BBX: variants seen among roughly 807,000 people sequenced by gnomAD.
BBX encodes BBX high mobility group box domain containing.
A neutral mutation model predicts 100.2 loss-of-function variants in BBX; 30 were observed. The observed-to-expected ratio is 0.30, with a 90% CI of 0.22 to 0.41. The LOEUF (loss-of-function observed/expected upper bound fraction) is 0.41, where lower values mean the gene tolerates loss of function less well. BBX is among the 10% of genes least tolerant of loss of function. The pLI is 1.00. For synonymous variants in BBX, 376 were observed against 388.1 expected (o/e 0.97, Z 0.37); for missense variants, 1,023 against 1,129.8 (o/e 0.91, Z 1.35).
intron 10 of BBX, among the ~76,000 whole-genome samples, chr3:107,768,250 A>G (rs1284647190): frequency 1.3e-5 from 2 of 152,096 alleles, no homozygotes; most frequent in African/African-American, 2.4e-5. Flanking sequence ...CTCATTTTCT[A>G]TTTGGTATAG....
intron 3 of BBX, among the ~76,000 whole-genome samples, chr3:107,667,505 G>A (rs998571508): frequency 2.0e-5 from 3 of 151,398 alleles, no homozygotes; most frequent in Admixed American, 1.3e-4. Flanking sequence ...AAAATAAGTT[G>A]GACCATCCTT....
rs2067098932 is a variant in BBX, at chr3:107,773,755, G to A, written c.1915+119G>A. ...GGTATCAAAATAATACCTTACATTTGTATATTTCTTTATGGTTTATAGATC... is the reference window on the plus strand; with the variant it reads ...GGTATCAAAATAATACCTTACATTTATATATTTCTTTATGGTTTATAGATC... On this transcript the variant is annotated intron_variant, in intron 11 of 17. Transcript: ENST00000325805. This position sits in a 1 kb window ranked among gnomAD's most constrained non-coding sequence, Gnocchi z 4.1. The A allele has an allele frequency of 4.5e-6, 4 of 889,272 alleles. No individual in the cohort carries two copies. The highest frequency in any genetic ancestry group is 1.7e-5 in the African/African-American group (1 of 58,548). The allele number at this position is 889,272 out of a possible 1,614,324, so 55.1% of individuals were successfully genotyped here.
intron 16 of BBX, 128 bp from the exon 17 acceptor site, chr3:107,800,967 G>C (rs558771406): frequency 1.4e-5 from 12 of 887,678 alleles, no homozygotes; most frequent in Non-Finnish European, 3.5e-6. Flanking sequence ...CTTAATATTC[G>C]ATGGATAGCA....
chr3:107,573,488 C>T (rs780032013), intron 2 of BBX, among the ~76,000 whole-genome samples: 2 of 151,932 alleles, frequency 1.3e-5, no homozygotes, highest in East Asian at 1.9e-4. Context: ...CCAGGAGGCC[C>T]GGAGGTTGCA....
rs374236627 is a variant in BBX at position 107,779,016 on chromosome 3, TATATACACAC to T, written c.2203+499_2203+508del. 5.4e-4 allele frequency among the ~76,000 whole-genome samples: 39 copies of T among 72,402 alleles called. 4 individuals carry two copies. Among genetic ancestry groups the T allele is most frequent in the Admixed American group, 1.4e-3 (10 of 6,940 alleles). 47.5% of individuals were successfully genotyped at this position (72,402 alleles called of 152,430 possible). ...CAACATATATATATATATATATATATATATACACACACACACACACATATACATTGGTTTT... is the reference window on the plus strand; with the variant it reads ...CAACATATATATATATATATATATATACACACACACATATACATTGGTTTT... On this transcript the variant is annotated intron_variant, in intron 13 of 17. Transcript: ENST00000325805.
intron 2 of BBX, among the ~76,000 whole-genome samples, chr3:107,640,593 T>G (rs2057129800): frequency 6.6e-6 from 1 of 151,926 alleles, no homozygotes; most frequent in Admixed American, 6.6e-5. Context: ...TTTGTGTGTT[T>G]GTGTATGTGA....
chr3:107,635,950 T>C (rs2056827626), intron 2 of BBX, among the ~76,000 whole-genome samples: 1 of 152,132 alleles, frequency 6.6e-6, no homozygotes, highest in African/African-American at 2.4e-5. Context: ...GACCTGGTGA[T>C]CCTCCCGCCT....
chr3:107,547,555 T>G (rs2049328772), intron 2 of BBX, among the ~76,000 whole-genome samples: 1 of 152,182 alleles, frequency 6.6e-6, no homozygotes, highest in Non-Finnish European at 1.5e-5. Context: ...TGGTTTTCTT[T>G]TCGTTTTATA....
intron 3 of BBX, among the ~76,000 whole-genome samples, chr3:107,652,512 C>G (rs538073368): frequency 5.9e-5 from 9 of 152,270 alleles, no homozygotes; most frequent in African/African-American, 2.2e-4. Context: ...TGAAATGACT[C>G]AAACTCAAAA....
intron 5 of BBX, among the ~76,000 whole-genome samples, chr3:107,723,117 C>A (rs1169968274): frequency 3.9e-5 from 6 of 151,954 alleles, no homozygotes; most frequent in Admixed American, 3.9e-4. Flanking sequence ...TATATTTGCA[C>A]CAGAGTCGTC....
chr3:107,755,042 C>A (rs999203689), intron 9 of BBX, among the ~76,000 whole-genome samples: 1 of 152,066 alleles, frequency 6.6e-6, no homozygotes, highest in African/African-American at 2.4e-5. Context: ...GATTTGTGGC[C>A]TTGATTATCA....
chr3:107,776,960 C>T (rs956203674), intron 12 of BBX, among the ~76,000 whole-genome samples: 1 of 152,102 alleles, frequency 6.6e-6, no homozygotes, highest in Non-Finnish European at 1.5e-5. Context: ...CCCTTTATTG[C>T]TTTGACAGAA....
At chr3:107,800,623 T>C (rs72943046) in intron 16 of BBX, among the ~76,000 whole-genome samples, 6,257 of 152,326 alleles carry the variant, frequency 0.041, 384 homozygotes, top group African/African-American at 0.14. Flanking sequence ...AACTGGTTAA[T>C]GTGCTGTATA....
At position 107,810,726 on chromosome 3, in the gene BBX, AAC is replaced by A. The variant is rs2071252783; in HGVS notation, c.*5271_*5272del. The A allele has an allele frequency of 6.6e-6, 1 of 152,188 alleles. No homozygotes were observed. The highest frequency in any genetic ancestry group is 2.4e-5 in the African/African-American group (1 of 41,436). 9.4% of individuals were successfully genotyped at this position (152,188 alleles called of 1,614,324 possible). A position where few individuals can be genotyped will look rare whatever the true frequency, so the allele number is the denominator to read the frequency against. Reference sequence around the variant, plus strand: ...CGTTTTCTCCATTTCATTAGCACTAAACAAGTCTCTTGCTCTCAGGAATTTGT... The same window carrying A: ...CGTTTTCTCCATTTCATTAGCACTAAAAGTCTCTTGCTCTCAGGAATTTGT... On this transcript the variant is annotated 3_prime_UTR_variant, in exon 18 of 18. Coordinates refer to ENST00000325805, the MANE Select transcript of BBX (RefSeq NM_001142568.3).
At chr3:107,716,456 G>T in intron 4 of BBX, 151 bp from the exon 5 acceptor site, 4 of 932,490 alleles carry the variant, frequency 4.3e-6, no homozygotes, top group South Asian at 1.8e-5. Context: ...ATGAACAGTG[G>T]TTGTTGATTT....
intron 3 of BBX, among the ~76,000 whole-genome samples, chr3:107,654,875 C>T (rs1004473296): frequency 2.0e-5 from 3 of 152,086 alleles, no homozygotes; most frequent in African/African-American, 7.2e-5. Flanking sequence ...ATTAAAGGTA[C>T]TAGAGGGTAT....
intron 2 of BBX, among the ~76,000 whole-genome samples, chr3:107,573,673 A>C (rs192432698): frequency 1.4e-4 from 21 of 152,372 alleles, no homozygotes; most frequent in African/African-American, 5.0e-4. Context: ...TTTTCAGTAC[A>C]TTTTAAAGGA....
intron 2 of BBX, among the ~76,000 whole-genome samples, chr3:107,566,845 C>T (rs1187146261): frequency 6.6e-6 from 1 of 151,714 alleles, no homozygotes; most frequent in African/African-American, 2.4e-5. Context: ...TTACTTTGTT[C>T]ATTTTTCTAG....
intron 10 of BBX, among the ~76,000 whole-genome samples, chr3:107,757,434 G>T (rs1265834914): frequency 1.3e-5 from 2 of 152,088 alleles, no homozygotes; most frequent in African/African-American, 4.8e-5. Flanking sequence ...ATTTAACGGG[G>T]TAAAATGACT....
Sources: gnomAD v4.1 joint callset for allele counts (sites outside exome capture counted in the v4.1 genomes callset) on GRCh38, gnomAD v4.1.1 for gene constraint, Gnocchi (gnomAD v3.1) non-coding constraint, MANE v1.5 for transcripts, NCBI Gene and HGNC (gene_info 2026-07-23, HGNC 2026-07-21) for gene names.